The following LAMA2 variants were observed in gnomAD, a reference collection of about 807,000 sequenced individuals.
LAMA2 encodes the protein laminin subunit alpha-2.
A neutral mutation model predicts 364.8 loss-of-function variants in LAMA2; 269 were observed. The ratio of observed to expected loss-of-function variants is 0.74; its 90% confidence interval spans 0.67 to 0.82. LAMA2 has a LOEUF of 0.82. LAMA2 is among the 40% of genes least tolerant of loss of function. The pLI, the probability that LAMA2 is intolerant of heterozygous loss-of-function variation, is 0.00. For missense variants in LAMA2, 3,807 were observed against 3,873.2 expected, an observed-to-expected ratio of 0.98 and a Z score of 0.45; for synonymous variants, 1,379 against 1,370.6, an observed-to-expected ratio of 1.01 and a Z score of -0.14.
chr6:128,976,952 T>A (rs4552747), intron 1 of LAMA2, among the ~76,000 whole-genome samples: 1,647 of 152,190 alleles, frequency 0.011, 31 homozygotes, highest in African/African-American at 0.038. Context: ...GGAAGACTAC[T>A]GTGTGCTAGT....
intron 1 of LAMA2, among the ~76,000 whole-genome samples, chr6:128,983,396 C>T (rs1438122109): frequency 6.6e-6 from 1 of 152,096 alleles, no homozygotes; most frequent in East Asian, 1.9e-4. Flanking sequence ...TGTTTTTTGG[C>T]TGCATAAATG....
At chr6:129,097,026 T>A (rs1006645168) in intron 3 of LAMA2, among the ~76,000 whole-genome samples, 1 of 152,216 alleles carries the variant, frequency 6.6e-6, no homozygotes, top group Non-Finnish European at 1.5e-5. Flanking sequence ...CCTTTCAGGA[T>A]TCCCTCTGTA....
At chr6:129,061,597 A>G (rs1284645258) in intron 3 of LAMA2, among the ~76,000 whole-genome samples, 1 of 152,180 alleles carries the variant, frequency 6.6e-6, no homozygotes. Context: ...ATATTTTCCT[A>G]AATTTACTTT....
chr6:128,998,392 G>C (rs1784139998), intron 1 of LAMA2, among the ~76,000 whole-genome samples: 1 of 69,154 alleles, frequency 1.4e-5, no homozygotes, highest in Non-Finnish European at 2.7e-5. Context: ...GACAGGGGGA[G>C]GAGCCAAGAT....
intron 12 of LAMA2, among the ~76,000 whole-genome samples, chr6:129,214,806 A>T (rs1257600900): frequency 6.6e-6 from 1 of 152,208 alleles, no homozygotes; most frequent in Non-Finnish European, 1.5e-5. Flanking sequence ...GTGTGTTGAT[A>T]TCCAAAAAAT....
intron 41 of LAMA2, chr6:129,437,108 C>CA (rs2114758382): frequency 6.6e-6 from 1 of 152,144 alleles, no homozygotes; most frequent in Non-Finnish European, 1.5e-5. Context: ...CATTGCTACC[C>CA]AAAATGCTCT....
At chr6:129,456,532 G>T in intron 48 of LAMA2, 38 bp downstream of exon 48, 1 of 1,563,260 alleles carries the variant, frequency 6.4e-7, no homozygotes, top group African/African-American at 1.4e-5. Flanking sequence ...TTTCATCTTT[G>T]TTGACATCTC....
chr6:129,295,061 A>C (rs1431678695), intron 20 of LAMA2, among the ~76,000 whole-genome samples: 1 of 152,164 alleles, frequency 6.6e-6, no homozygotes, highest in Admixed American at 6.5e-5. Flanking sequence ...CCTCTGCAGC[A>C]GTATGTGTGA....
chr6:129,365,797 G>A (rs1777736675), intron 32 of LAMA2, among the ~76,000 whole-genome samples: 1 of 152,058 alleles, frequency 6.6e-6, no homozygotes, highest in African/African-American at 2.4e-5. Context: ...GCAATCTAAT[G>A]GAGCACCACA....
At chr6:129,486,718 G>A in intron 56 of LAMA2, 96 bp downstream of exon 56, 2 of 1,156,348 alleles carry the variant, frequency 1.7e-6, no homozygotes, top group Non-Finnish European at 1.3e-6. Context: ...CTCTGTGTGT[G>A]TGGACCTACT....
intron 3 of LAMA2, among the ~76,000 whole-genome samples, chr6:129,085,251 T>C (rs1241253546): frequency 2.0e-5 from 3 of 152,204 alleles, no homozygotes; most frequent in Non-Finnish European, 4.4e-5. Context: ...AATGGAAATG[T>C]CTATAGACTT....
intron 22 of LAMA2, among the ~76,000 whole-genome samples, chr6:129,311,476 T>C (rs555010299): frequency 3.5e-4 from 53 of 152,260 alleles, no homozygotes; most frequent in Non-Finnish European, 5.3e-4. Context: ...TATGGACTTA[T>C]TGGGTCCTTC....
intron 1 of LAMA2, among the ~76,000 whole-genome samples, chr6:129,027,626 TAAAG>T (rs1233029591): frequency 6.6e-6 from 1 of 151,904 alleles, no homozygotes; most frequent in African/African-American, 2.4e-5. Context: ...GGCCAAATGA[TAAAG>T]AACAGGAAAA....
At chr6:129,441,036 T>A (rs1366620931) in intron 43 of LAMA2, 38 bp downstream of exon 43, 2 of 1,551,604 alleles carry the variant, frequency 1.3e-6, no homozygotes, top group Non-Finnish European at 1.8e-6. Context: ...TGTCATTTAT[T>A]TCCTCTCACT....
In LAMA2 at chr6:129,465,133, C is replaced by T. The variant is rs774383043; in HGVS notation, c.7156-12C>T. The T allele has an allele frequency of 1.8e-5, 29 of 1,603,856 alleles. No homozygotes were observed. Among genetic ancestry groups the T allele is most frequent in the Non-Finnish European group, 2.4e-5 (28 of 1,171,434 alleles). On this transcript the variant is annotated splice_polypyrimidine_tract_variant and intron_variant, in intron 50 of 64. Transcript: ENST00000421865. ...GTATCTAACCACTGGGGTATGTTTA[C>T]TCTATTAATAGAGAGATTTCATGAG...
intron 63 of LAMA2, among the ~76,000 whole-genome samples, chr6:129,513,356 T>C (rs1034276439): frequency 6.6e-6 from 1 of 152,194 alleles, no homozygotes; most frequent in African/African-American, 2.4e-5. Context: ...TCAATAGTTT[T>C]ACCAAATTTT....
At chr6:129,274,125 AC>A (rs1269602714) in intron 17 of LAMA2, among the ~76,000 whole-genome samples, 6 of 200 alleles carry the variant, frequency 0.03, no homozygotes, top group Non-Finnish European at 0.11. Context: ...AATGTCTTTT[AC>A]ATTTAAAACA....
At chr6:128,915,733 T>C (rs1778270097) in intron 1 of LAMA2, among the ~76,000 whole-genome samples, 1 of 152,310 alleles carries the variant, frequency 6.6e-6, no homozygotes, top group Non-Finnish European at 1.5e-5. Flanking sequence ...CAATTTGGAA[T>C]GACGTTTATG....
intron 3 of LAMA2, among the ~76,000 whole-genome samples, chr6:129,088,174 T>A (rs1302507383): frequency 6.9e-6 from 1 of 145,950 alleles, no homozygotes; most frequent in Non-Finnish European, 1.5e-5. Context: ...CAACCCTGAG[T>A]GGACACAGCA....
Sources: allele counts gnomAD v4.1 joint callset (sites outside exome capture counted in the v4.1 genomes callset), GRCh38; gene constraint gnomAD v4.1.1; transcripts MANE v1.5; gene names NCBI Gene and HGNC (gene_info 2026-07-23, HGNC 2026-07-21).